The following GLIPR2 variants were observed in gnomAD, a reference collection of about 807,000 sequenced individuals.
GLIPR2 encodes the protein Golgi-associated plant pathogenesis-related protein 1.
In GLIPR2, 21 loss-of-function variants were observed where a neutral mutation model predicts 20.4. That is an observed-to-expected ratio of 1.03 (90% CI 0.73 to 1.48). The LOEUF is 1.48. Ranked by LOEUF, GLIPR2 falls within the 40% of genes most tolerant of loss-of-function variation. The probability of loss-of-function intolerance (pLI) is 0.00; values close to 1 mark genes in which losing one functional copy is unlikely to be tolerated. For missense variants in GLIPR2, 205 were observed against 200.1 expected (o/e 1.02, Z -0.15); for synonymous variants, 91 against 80.5 (o/e 1.13, Z -0.70).
chr9:36,160,517 G>A (rs1826010185), intron 4 of GLIPR2, among the ~76,000 whole-genome samples: 1 of 151,748 alleles, frequency 6.6e-6, no homozygotes, highest in Non-Finnish European at 1.5e-5. Context: ...AAGAGAAAAA[G>A]AGAAGAGGAA....
In GLIPR2 at chr9:36,163,273, G is replaced by C. The variant is rs144814009; in HGVS notation, c.*751G>C. 5.2e-4 allele frequency: 112 copies of C among 213,654 alleles called. No individual in the cohort carries two copies. Among genetic ancestry groups the C allele is most frequent in the African/African-American group, 2.5e-3 (107 of 42,024 alleles). The allele number at this position is 213,654 out of a possible 1,614,324, so 13.2% of individuals were successfully genotyped here. A position where few individuals can be genotyped will look rare whatever the true frequency, so the allele number is the denominator to read the frequency against. ...TTCAGAGCTCAGCAGGCTACCCCTG[G>C]TTTCTGGAGAGTTGGGCTAGGCCTG... On this transcript the variant is annotated 3_prime_UTR_variant, in exon 5 of 5. Transcript: ENST00000377960.
intron 4 of GLIPR2, among the ~76,000 whole-genome samples, chr9:36,158,880 C>T (rs1440457897): frequency 6.6e-6 from 1 of 152,150 alleles, no homozygotes; most frequent in African/African-American, 2.4e-5. Flanking sequence ...GCCTGGCCAA[C>T]ATGGTGAAAC....
chr9:36,151,585 C>T (rs1825589334), intron 4 of GLIPR2, among the ~76,000 whole-genome samples: 1 of 152,174 alleles, frequency 6.6e-6, no homozygotes, highest in South Asian at 2.1e-4. Flanking sequence ...TGAGTCAATT[C>T]CTGTCCCCTC....
chr9:36,162,411 G>A lies in GLIPR2; in HGVS notation c.354G>A (p.Gly118=), dbSNP rs534202993. ...AGAACACCAAGAAGATGGGCGTGGG[G>A]AAGGCGTCCGCAAGTGACGGGTCCT... ...VWKNTKKMGV[G]KASASDGSSF... The change falls in exon 5 of 5, where the codon GGG becomes GGA. Residue 118 remains glycine (G), a synonymous_variant. Coordinates refer to ENST00000377960, the MANE Select transcript of GLIPR2 (RefSeq NM_022343.4). 2 of 1,614,122 alleles carry A rather than the reference G, an allele frequency of 1.2e-6. No homozygotes were observed. Among genetic ancestry groups the A allele is most frequent in the African/African-American group, 2.7e-5 (2 of 75,058 alleles).
chr9:36,141,833 T>A (rs1332885921), intron 1 of GLIPR2: 1 of 455,260 alleles, frequency 2.2e-6, no homozygotes. Flanking sequence ...TTTTTTTTTT[T>A]TGTCCTCCTC....
intron 1 of GLIPR2, among the ~76,000 whole-genome samples, chr9:36,139,913 A>G (rs1322295863): frequency 6.6e-6 from 1 of 152,148 alleles, no homozygotes. Context: ...TCCTGTCCCT[A>G]ATACTGGTGA....
In GLIPR2 at chr9:36,154,069, TTA is replaced by T. The variant is rs1156429658; in HGVS notation, c.304+3126_304+3127del. Among the ~76,000 whole-genome samples the T allele has an allele frequency of 3.9e-4, 50 of 128,520 alleles. 1 individual carries two copies. The highest frequency in any genetic ancestry group is 3.9e-3 in the Middle Eastern group (1 of 254). The allele number at this position is 128,520 out of a possible 152,430, so 84.3% of individuals were successfully genotyped here. On this transcript the variant is annotated intron_variant, in intron 4 of 4. Coordinates refer to ENST00000377960, the MANE Select transcript of GLIPR2 (RefSeq NM_022343.4). Reference sequence around the variant, plus strand: ...GTCTTATCATATTATATATTATATATTATATATTATATATTATATATATATAT... The same window carrying T: ...GTCTTATCATATTATATATTATATATTATATTATATATTATATATATATAT...
chr9:36,159,994 G>A (rs930443189), intron 4 of GLIPR2, among the ~76,000 whole-genome samples: 10 of 152,258 alleles, frequency 6.6e-5, no homozygotes, highest in Admixed American at 2.6e-4. Context: ...AAGGGTGTTT[G>A]CAAACGACTT....
At chr9:36,145,804 G>C (rs958301879) in intron 1 of GLIPR2, among the ~76,000 whole-genome samples, 2 of 152,134 alleles carry the variant, frequency 1.3e-5, no homozygotes, top group African/African-American at 4.8e-5. Context: ...GATGTTGGAT[G>C]GATGGATGGA....
intron 1 of GLIPR2, among the ~76,000 whole-genome samples, chr9:36,140,467 T>A (rs1373331396): frequency 6.6e-6 from 1 of 152,152 alleles, no homozygotes; most frequent in Non-Finnish European, 1.5e-5. Flanking sequence ...ACAGATGTCA[T>A]CCTTCCTTCA....
At chr9:36,155,546 A>T (rs933034937) in intron 4 of GLIPR2, among the ~76,000 whole-genome samples, 3 of 152,118 alleles carry the variant, frequency 2.0e-5, no homozygotes, top group Non-Finnish European at 4.4e-5. Flanking sequence ...GTGACATGAG[A>T]TCGTGCCACT....
chr9:36,144,823 T>A (rs538206660), intron 1 of GLIPR2: 1 of 152,250 alleles, frequency 6.6e-6, no homozygotes, highest in African/African-American at 2.4e-5. Context: ...TACCTTCACC[T>A]TCTGGGTCTG....
rs566002999 is a variant in GLIPR2 at position 36,140,907 on chromosome 9, A to G, written c.13+4116A>G. Among the ~76,000 whole-genome samples, 423 of 152,220 alleles carry G rather than the reference A, an allele frequency of 2.8e-3. 1 individual carries two copies. The highest frequency in any genetic ancestry group is 4.5e-3 in the Non-Finnish European group (307 of 68,026). ...CTGTGCTGGAGTGAGAACCTCATTC[A>G]TTTGTTCACTCACTCATTCACTTAG... On this transcript the variant is annotated intron_variant, in intron 1 of 4. Coordinates refer to ENST00000377960, the MANE Select transcript of GLIPR2 (RefSeq NM_022343.4).
chr9:36,162,121 G>C, intron 4 of GLIPR2: 1 of 851,572 alleles, frequency 1.2e-6, no homozygotes, highest in African/African-American at 1.7e-5. Context: ...GTTGCAGTGA[G>C]CCAAGATCAT....
At position 36,136,990 on chromosome 9, in the gene GLIPR2, G is replaced by A. The variant is rs1587120646; in HGVS notation, c.13+199G>A. 1 of 522,424 alleles carries A rather than the reference G, an allele frequency of 1.9e-6. No homozygotes were observed. Among genetic ancestry groups the A allele is most frequent in the Non-Finnish European group, 2.9e-6 (1 of 342,108 alleles). The allele number at this position is 522,424 out of a possible 1,614,324, so 32.4% of individuals were successfully genotyped here. ...GGCGAGCCCGAGGGAGGCCCCCGCCGGAGAGCCGGGGATCGCGCCAAGTTG... is the reference window on the plus strand; with the variant it reads ...GGCGAGCCCGAGGGAGGCCCCCGCCAGAGAGCCGGGGATCGCGCCAAGTTG... On this transcript the variant is annotated intron_variant, in intron 1 of 4. Transcript: ENST00000377960. The surrounding 1 kb of genome is among the most constrained non-coding windows in gnomAD (Gnocchi z 4.3).
At chr9:36,154,751 C>G (rs532304035) in intron 4 of GLIPR2, among the ~76,000 whole-genome samples, 1 of 152,216 alleles carries the variant, frequency 6.6e-6, no homozygotes, top group Admixed American at 6.5e-5. Flanking sequence ...AAACCTCCCC[C>G]GCGAGAAGAA....
chr9:36,138,749 C>G (rs554478675), intron 1 of GLIPR2, among the ~76,000 whole-genome samples: 1 of 151,992 alleles, frequency 6.6e-6, no homozygotes, highest in South Asian at 2.1e-4. Context: ...CTATCTGGCT[C>G]GAGTAAGAGG....
intron 4 of GLIPR2, among the ~76,000 whole-genome samples, chr9:36,152,982 G>T (rs1404285320): frequency 3.4e-5 from 2 of 58,460 alleles, no homozygotes; most frequent in East Asian, 5.0e-4. Flanking sequence ...AAAAAAAAAA[G>T]CCAGGTGTGG....
At chr9:36,157,629 G>A (rs944787920) in intron 4 of GLIPR2, among the ~76,000 whole-genome samples, 3 of 151,818 alleles carry the variant, frequency 2.0e-5, no homozygotes, top group Non-Finnish European at 4.4e-5. Flanking sequence ...TTACAGGCAT[G>A]AGCCACTACG....
Sources: gnomAD v4.1 joint callset for allele counts (sites outside exome capture counted in the v4.1 genomes callset) on GRCh38, gnomAD v4.1.1 for gene constraint, Gnocchi (gnomAD v3.1) non-coding constraint, MANE v1.5 for transcripts, NCBI Gene and HGNC (gene_info 2026-07-23, HGNC 2026-07-21) for gene names.